Variants in MED12L observed in about 807,000 individuals in gnomAD.
The protein encoded by MED12L is mediator complex subunit 12L.
In MED12L, 60 loss-of-function variants were observed where a neutral mutation model predicts 281.3. That is an observed-to-expected ratio of 0.21 (90% confidence interval 0.17 to 0.26). The LOEUF (loss-of-function observed/expected upper bound fraction) is 0.26. Among genes scored for constraint, MED12L ranks in the 10% least tolerant of loss-of-function variants. The pLI, the probability that MED12L is intolerant of heterozygous loss-of-function variation, is 1.00. For missense variants in MED12L, 2,146 were observed against 2,680.9 expected (o/e 0.80, Z 4.41); for synonymous variants, 974 against 987.2 (o/e 0.99, Z 0.25).
At chr3:151,357,401 G>GC in intron 20 of MED12L, 25 bp downstream of exon 20, 1 of 1,536,720 alleles carries the variant, frequency 6.5e-7, no homozygotes, top group South Asian at 1.2e-5. Flanking sequence ...TGTCATTGTT[G>GC]TTTTTCCAAT....
At chr3:151,308,253 ACATTACT>A (rs965967223) in intron 16 of MED12L, among the ~76,000 whole-genome samples, 1 of 152,152 alleles carries the variant, frequency 6.6e-6, no homozygotes, top group African/African-American at 2.4e-5. Context: ...CCTACTACTC[ACATTACT>A]ATGGCTATTG....
At chr3:151,141,187 G>GTTTTTTTGTTTTTTTT (rs376743895) in intron 5 of MED12L, among the ~76,000 whole-genome samples, 9 of 99,116 alleles carry the variant, frequency 9.1e-5, no homozygotes, top group South Asian at 3.5e-4. Flanking sequence ...TGTTTTTTTT[G>GTTTTTTTGTTTTTTTT]TTTTTTTTTT....
At chr3:151,316,575 T>G (rs1362608739) in intron 16 of MED12L, 1 of 152,162 alleles carries the variant, frequency 6.6e-6, no homozygotes, top group Non-Finnish European at 1.5e-5. Flanking sequence ...AATGAAAAAT[T>G]TTTCGTTTAC....
At chr3:151,269,676 C>A in intron 16 of MED12L, 1 of 414,680 alleles carries the variant, frequency 2.4e-6, no homozygotes, top group South Asian at 2.0e-5. Flanking sequence ...GGTATTAAAT[C>A]AGGTTACAGA....
intron 16 of MED12L, chr3:151,316,834 C>G (rs759259778): frequency 3.3e-5 from 5 of 152,240 alleles, no homozygotes; most frequent in African/African-American, 4.8e-5. Flanking sequence ...ACAACTTGCT[C>G]TCTTGCTAAT....
intron 16 of MED12L, among the ~76,000 whole-genome samples, chr3:151,320,109 T>C (rs1007335028): frequency 5.9e-5 from 9 of 152,218 alleles, no homozygotes; most frequent in Non-Finnish European, 1.3e-4. Context: ...TCCTCCCTTC[T>C]TTCTTTGGCT....
intron 11 of MED12L, among the ~76,000 whole-genome samples, chr3:151,174,267 A>G (rs906355627): frequency 3.3e-5 from 5 of 152,164 alleles, no homozygotes; most frequent in Non-Finnish European, 7.4e-5. Flanking sequence ...GGACTTTTGG[A>G]GAGATTTTAC....
At chr3:151,187,528 T>C (rs1453881058) in intron 12 of MED12L, among the ~76,000 whole-genome samples, 1 of 152,206 alleles carries the variant, frequency 6.6e-6, no homozygotes, top group Non-Finnish European at 1.5e-5. Context: ...AAAATAATGA[T>C]ATTCTTAACA....
chr3:151,392,496 A>AAAAAAAAAAG (rs1714395247), intron 38 of MED12L, among the ~76,000 whole-genome samples: 1 of 129,692 alleles, frequency 7.7e-6, no homozygotes, highest in Non-Finnish European at 1.6e-5. Context: ...AAAAGTAAAA[A>AAAAAAAAAAG]TAAATAAATA....
intron 20 of MED12L, among the ~76,000 whole-genome samples, chr3:151,359,790 G>A (rs1009261980): frequency 2.6e-5 from 4 of 152,162 alleles, no homozygotes; most frequent in African/African-American, 9.7e-5. Context: ...GATGGAATCA[G>A]ATGCACAGAT....
At chr3:151,178,435 C>A (rs374730959) in intron 11 of MED12L, among the ~76,000 whole-genome samples, 2 of 152,062 alleles carry the variant, frequency 1.3e-5, no homozygotes, top group Non-Finnish European at 2.9e-5. Flanking sequence ...TACTCTGAGG[C>A]TGTGTAAGCA....
chr3:151,422,024 C>T (rs948754106), intron 43 of MED12L, among the ~76,000 whole-genome samples: 1 of 152,260 alleles, frequency 6.6e-6, no homozygotes, highest in South Asian at 2.1e-4. Flanking sequence ...GTGACATTCA[C>T]AGTTGAATTC....
In MED12L at chr3:151,355,997, G is replaced by C; in HGVS notation, c.2619G>C (p.Glu873Asp). Residue 873 changes from glutamate (E) to aspartate (D), a missense_variant, in exon 19 of 45, where the codon GAG (glutamate) becomes GAC (aspartate). Physicochemically the swap from Glu to Asp is conservative, Grantham distance 45. This residue lies in a region of MED12L where 404 missense variants were observed against 603.5 expected (regional missense o/e 0.67). Coordinates refer to ENST00000687756, the MANE Select transcript of MED12L (RefSeq NM_001393769.1). ...HHIQLIFDLM[E>D]PALNINGLID... The stretch of plus-strand genomic sequence containing the variant: ...TTCAGCTCATCTTTGATCTCATGGA[G>C]CCAGCACTGAACATCAACGGACTAA... The C allele has an allele frequency of 1.2e-6, 2 of 1,613,900 alleles. No homozygotes were observed. The highest frequency in any genetic ancestry group is 2.2e-5 in the East Asian group (1 of 44,870).
At chr3:151,293,666 CACACACACACA>C (rs1212004348) in intron 16 of MED12L, among the ~76,000 whole-genome samples, 68 of 145,150 alleles carry the variant, frequency 4.7e-4, no homozygotes, top group African/African-American at 1.8e-3. Context: ...CACACACACA[CACACACACACA>C]CCCTCTACCT....
chr3:151,427,499 A>G (rs1387529847), intron 43 of MED12L, among the ~76,000 whole-genome samples: 1 of 152,166 alleles, frequency 6.6e-6, no homozygotes, highest in Non-Finnish European at 1.5e-5. Flanking sequence ...GGCAACCACT[A>G]CAGTGTTTTA....
rs919856925 is a variant in MED12L, at chr3:151,186,408, C to T, written c.1626+947C>T. Reference sequence around the variant, plus strand: ...CTCCTTACTGATACTCTCTGTGGCTCCTGACTGTAGCCTTTGCAGCATCTC... The same window carrying T: ...CTCCTTACTGATACTCTCTGTGGCTTCTGACTGTAGCCTTTGCAGCATCTC... On this transcript the variant is annotated intron_variant, in intron 12 of 44. Transcript: ENST00000687756. Among the ~76,000 whole-genome samples, 9 of 152,184 alleles carry T rather than the reference C, an allele frequency of 5.9e-5. No homozygotes were observed. In the East Asian group the frequency reaches 1.7e-3, roughly 29 times the overall value.
chr3:151,273,565 T>C (rs1475655817), intron 16 of MED12L, among the ~76,000 whole-genome samples: 3 of 152,128 alleles, frequency 2.0e-5, no homozygotes, highest in Non-Finnish European at 4.4e-5. Flanking sequence ...TGCCAATTAC[T>C]GTTCTGGGTA....
chr3:151,221,524 G>A (rs897121758), intron 16 of MED12L, among the ~76,000 whole-genome samples: 2 of 152,190 alleles, frequency 1.3e-5, no homozygotes, highest in African/African-American at 4.8e-5. Flanking sequence ...GCAGCCTGGG[G>A]AATTGGTGCC....
intron 33 of MED12L, among the ~76,000 whole-genome samples, chr3:151,383,303 A>G (rs1356785662): frequency 6.6e-6 from 1 of 152,196 alleles, no homozygotes; most frequent in African/African-American, 2.4e-5. Context: ...CAACACGTGA[A>G]CTGGTAGGTG....
Sources: gnomAD v4.1 joint callset for allele counts (sites outside exome capture counted in the v4.1 genomes callset) on GRCh38, gnomAD v4.1.1 for gene constraint, gnomAD v4.1.1 regional missense constraint, MANE v1.5 for transcripts, NCBI Gene and HGNC (gene_info 2026-07-23, HGNC 2026-07-21) for gene names.